Variants in PRDM5 observed in about 807,000 individuals in gnomAD.
The protein encoded by PRDM5 is PR domain zinc finger protein 5.
In PRDM5, 56 loss-of-function variants were observed where a neutral mutation model predicts 81.2. The ratio of observed to expected loss-of-function variants is 0.69; its 90% CI spans 0.56 to 0.86. The LOEUF (loss-of-function observed/expected upper bound fraction) is 0.86. Among genes scored for constraint, PRDM5 ranks in the 40% least tolerant of loss-of-function variants. PRDM5 has a pLI of 0.00. For synonymous variants in PRDM5, 267 were observed against 256.4 expected, an observed-to-expected ratio of 1.04 and a Z score of -0.39; for missense variants, 697 against 770.1, an observed-to-expected ratio of 0.91 and a Z score of 1.12.
At chr4:120,813,737 G>T (rs1332192606) in intron 7 of PRDM5, among the ~76,000 whole-genome samples, 1 of 152,160 alleles carries the variant, frequency 6.6e-6, no homozygotes, top group Non-Finnish European at 1.5e-5. Flanking sequence ...CATTCAGAAA[G>T]AATATTCCCT....
intron 10 of PRDM5, among the ~76,000 whole-genome samples, chr4:120,793,625 C>T (rs1750903287): frequency 6.6e-6 from 1 of 152,110 alleles, no homozygotes; most frequent in Admixed American, 6.5e-5. Context: ...AGTAGATCTT[C>T]ATTGTATTTA....
intron 10 of PRDM5, among the ~76,000 whole-genome samples, 199 bp from the exon 11 acceptor site, chr4:120,785,290 G>A (rs1270742189): frequency 1.3e-5 from 2 of 151,904 alleles, no homozygotes; most frequent in East Asian, 3.9e-4. Flanking sequence ...ACTTTTGAAT[G>A]CTCACAGTAA....
At chr4:120,907,452 T>G (rs1338225422) in intron 2 of PRDM5, 22 bp downstream of exon 2, 1 of 1,544,302 alleles carries the variant, frequency 6.5e-7, no homozygotes, top group East Asian at 2.2e-5. Context: ...ATTTTTAACA[T>G]TAAAATAAGT....
chr4:120,754,939 C>A (rs1424104219), intron 13 of PRDM5, among the ~76,000 whole-genome samples: 1 of 152,188 alleles, frequency 6.6e-6, no homozygotes, highest in East Asian at 1.9e-4. Context: ...AATTAAATCT[C>A]CTCATTTTAA....
chr4:120,696,183 A>G (rs1399752844), intron 15 of PRDM5, among the ~76,000 whole-genome samples: 1 of 152,106 alleles, frequency 6.6e-6, no homozygotes, highest in Non-Finnish European at 1.5e-5. Context: ...ATAATAATGA[A>G]TTTTGACACA....
intron 15 of PRDM5, among the ~76,000 whole-genome samples, chr4:120,707,879 G>T (rs1240051247): frequency 6.6e-6 from 1 of 152,102 alleles, no homozygotes; most frequent in African/African-American, 2.4e-5. Flanking sequence ...CTCCAGAAAA[G>T]ATGTAGAAAT....
chr4:120,736,125 T>A (rs922219775), intron 14 of PRDM5, among the ~76,000 whole-genome samples: 3 of 152,064 alleles, frequency 2.0e-5, no homozygotes, highest in East Asian at 1.9e-4. Context: ...CCACTTAAGA[T>A]AATGGCCTCC....
At chr4:120,784,951 G>T in intron 11 of PRDM5, 47 bp downstream of exon 11, 1 of 1,429,988 alleles carries the variant, frequency 7.0e-7, no homozygotes, top group Non-Finnish European at 9.9e-7. Flanking sequence ...TAAAAACAAA[G>T]TATGAGATAA....
intron 10 of PRDM5, among the ~76,000 whole-genome samples, chr4:120,791,808 G>A (rs1750614844): frequency 6.6e-6 from 1 of 152,174 alleles, no homozygotes. Context: ...AAGTAATTAG[G>A]TTCTAAGGGT....
intron 13 of PRDM5, among the ~76,000 whole-genome samples, chr4:120,758,387 C>G (rs545810011): frequency 6.6e-6 from 1 of 152,220 alleles, no homozygotes; most frequent in South Asian, 2.1e-4. Flanking sequence ...AAATCCTAAA[C>G]CCCAGTACCT....
chr4:120,919,521 A>C (rs1293255538), intron 1 of PRDM5, among the ~76,000 whole-genome samples: 1 of 152,216 alleles, frequency 6.6e-6, no homozygotes, highest in Admixed American at 6.5e-5. Flanking sequence ...TTGCAGTTTC[A>C]GGTACAATAT....
At chr4:120,843,440 T>A (rs1758282686) in intron 3 of PRDM5, among the ~76,000 whole-genome samples, 2 of 151,540 alleles carry the variant, frequency 1.3e-5, no homozygotes, top group Admixed American at 1.3e-4. Context: ...TGGTGGCTAA[T>A]GCCTGTAATC....
intron 3 of PRDM5, among the ~76,000 whole-genome samples, chr4:120,826,222 T>A (rs934449301): frequency 3.3e-5 from 5 of 152,138 alleles, no homozygotes; most frequent in Admixed American, 2.0e-4. Context: ...TCTTCTTCCA[T>A]CAAACTAGTA....
chr4:120,875,464 C>T (rs1762250396), intron 2 of PRDM5, among the ~76,000 whole-genome samples: 2 of 152,336 alleles, frequency 1.3e-5, no homozygotes, highest in Non-Finnish European at 2.9e-5. Flanking sequence ...AAATACCTCA[C>T]AGGGGCAACC....
At chr4:120,902,875 T>C (rs141486330) in intron 2 of PRDM5, among the ~76,000 whole-genome samples, 54 of 152,270 alleles carry the variant, frequency 3.5e-4, no homozygotes, top group African/African-American at 1.3e-3. Flanking sequence ...TAGATATTAT[T>C]AGTGCTCCCC....
At chr4:120,710,452 A>G (rs893371947) in intron 14 of PRDM5, 39 bp from the exon 15 acceptor site, 1 of 1,496,982 alleles carries the variant, frequency 6.7e-7, no homozygotes, top group African/African-American at 1.4e-5. Flanking sequence ...ATTGCCAGTG[A>G]ATGAATGAAT....
intron 2 of PRDM5, among the ~76,000 whole-genome samples, chr4:120,886,812 A>C (rs1763484123): frequency 6.6e-6 from 1 of 152,186 alleles, no homozygotes; most frequent in African/African-American, 2.4e-5. Context: ...TCAAAAGTCT[A>C]CAACATAGTC....
At chr4:120,787,287 T>G (rs10033707) in intron 10 of PRDM5, among the ~76,000 whole-genome samples, 56,504 of 151,904 alleles carry the variant, frequency 0.37, 10,682 homozygotes, top group African/African-American at 0.43. Context: ...CCATGTGAAA[T>G]GGGCAGAGAA....
intron 10 of PRDM5, among the ~76,000 whole-genome samples, chr4:120,796,479 C>A (rs4833180): frequency 4.6e-5 from 7 of 152,084 alleles, no homozygotes; most frequent in Non-Finnish European, 8.8e-5. Flanking sequence ...TAACATGAGC[C>A]AAACTGTGAA....
Sources: gnomAD v4.1 joint callset for allele counts (sites outside exome capture counted in the v4.1 genomes callset) on GRCh38, gnomAD v4.1.1 for gene constraint, MANE v1.5 for transcripts, NCBI Gene and HGNC (gene_info 2026-07-23, HGNC 2026-07-21) for gene names.